The following RASA3 variants were observed in gnomAD, a reference collection of about 807,000 sequenced individuals.
RASA3 encodes the protein ras GTPase-activating protein 3.
Under a neutral mutation model 110.0 loss-of-function variants are expected in RASA3, and 73 were observed. That is an observed-to-expected ratio of 0.66 (90% confidence interval 0.55 to 0.81). The LOEUF (loss-of-function observed/expected upper bound fraction) is 0.81. RASA3 is among the 30% of genes least tolerant of loss of function. The pLI, the probability that RASA3 is intolerant of heterozygous loss-of-function variation, is 0.00. For missense variants in RASA3, 976 were observed against 1,113.2 expected (o/e 0.88, Z 1.75); for synonymous variants, 500 against 451.4 (o/e 1.11, Z -1.37).
chr13:114,007,768 T>TC (rs1339203949), intron 17 of RASA3, among the ~76,000 whole-genome samples, 162 bp from the exon 18 acceptor site: 5 of 152,114 alleles, frequency 3.3e-5, no homozygotes, highest in East Asian at 1.9e-4. Flanking sequence ...GGGCCTCTGC[T>TC]CCCCACTGTG....
rs7331571 is a variant in RASA3 at position 114,114,874 on chromosome 13, C to T, written c.55+17561G>A. Among the ~76,000 whole-genome samples the T allele has an allele frequency of 0.74, 111,831 of 152,114 alleles. 41,450 individuals are homozygous for T. The highest frequency in any genetic ancestry group is 0.8 in the Middle Eastern group (233 of 292). On this transcript the variant is annotated intron_variant, in intron 1 of 23. Coordinates refer to ENST00000334062, the MANE Select transcript of RASA3 (RefSeq NM_007368.4). The surrounding 1 kb of genome is among the most constrained non-coding windows in gnomAD (Gnocchi z 4.8). ...ATAGCTCCCAGCTCCAGGGACGACG[C>T]GGGGGTGCTAAGCTGGTAAGCTGGG...
At chr13:114,090,856 T>A (rs754887109) in intron 1 of RASA3, among the ~76,000 whole-genome samples, 1 of 152,114 alleles carries the variant, frequency 6.6e-6, no homozygotes, top group Non-Finnish European at 1.5e-5. Context: ...CAACTCCAGT[T>A]CAAAGTTTCA....
chr13:114,002,828 G>C (rs939599993), intron 18 of RASA3, among the ~76,000 whole-genome samples: 3 of 152,202 alleles, frequency 2.0e-5, no homozygotes, highest in African/African-American at 7.2e-5. Flanking sequence ...GGAGGCAGGA[G>C]CCACGGCTAA....
chr13:113,979,189 G>T lies in RASA3; in HGVS notation c.*158C>A. The T allele has an allele frequency of 1.5e-6, 1 of 679,178 alleles. No individual in the cohort carries two copies. Among genetic ancestry groups the T allele is most frequent in the Non-Finnish European group, 2.6e-6 (1 of 391,712 alleles). The allele number at this position is 679,178 out of a possible 1,614,324, so 42.1% of individuals were successfully genotyped here. On this transcript the variant is annotated 3_prime_UTR_variant, in exon 24 of 24. Transcript: ENST00000334062. Reference sequence around the variant, plus strand: ...CGGAGGGCGTGGCGGTGGTGGCAGCGGTTCTGGGAGAGGGAAACCCCAGCG... The same window carrying T: ...CGGAGGGCGTGGCGGTGGTGGCAGCTGTTCTGGGAGAGGGAAACCCCAGCG...
intron 22 of RASA3, 32 bp from the exon 23 acceptor site, chr13:113,981,890 G>A (rs756909972): frequency 1.3e-6 from 2 of 1,594,778 alleles, no homozygotes. Flanking sequence ...GCGCAGGGCA[G>A]GAGCCCAGGC....
At chr13:114,068,374 C>T (rs890353940) in intron 2 of RASA3, among the ~76,000 whole-genome samples, 2 of 152,214 alleles carry the variant, frequency 1.3e-5, no homozygotes, top group East Asian at 1.9e-4. Flanking sequence ...GCCACGTGGG[C>T]GCAGAGGAAG....
rs966348969 is a variant in RASA3, at chr13:114,048,808, G to A, written c.277+3244C>T. 6.6e-6 allele frequency among the ~76,000 whole-genome samples: 1 copy of A among 152,058 alleles called. No individual in the cohort carries two copies. Among genetic ancestry groups the A allele is most frequent in the Non-Finnish European group, 1.5e-5 (1 of 67,984 alleles). ...ACGGTCACGCCGCCCGGGACCCGCC[G>A]ACACTGGACACTTCTCCTGCTCCTG... On this transcript the variant is annotated intron_variant, in intron 3 of 23. Coordinates refer to ENST00000334062, the MANE Select transcript of RASA3 (RefSeq NM_007368.4). This position sits in a 1 kb window ranked among gnomAD's most constrained non-coding sequence, Gnocchi z 4.3.
chr13:114,045,797 G>A (rs1312322438), intron 3 of RASA3, among the ~76,000 whole-genome samples: 1 of 152,202 alleles, frequency 6.6e-6, no homozygotes, highest in East Asian at 1.9e-4. Flanking sequence ...TTAGGTTTGT[G>A]CTTTTGGTGG....
intron 2 of RASA3, among the ~76,000 whole-genome samples, chr13:114,059,672 T>C (rs4883647): frequency 0.47 from 71,371 of 152,154 alleles, 20,000 homozygotes; most frequent in African/African-American, 0.78. Flanking sequence ...CTGCCTGGCT[T>C]GGAGGTTTCT....
intron 2 of RASA3, among the ~76,000 whole-genome samples, chr13:114,071,867 T>C (rs909305725): frequency 2.6e-5 from 4 of 152,364 alleles, no homozygotes; most frequent in African/African-American, 9.6e-5. Context: ...CATGGGTTGT[T>C]CATTCCCACT....
At chr13:114,076,130 C>T (rs2079677928) in intron 1 of RASA3, among the ~76,000 whole-genome samples, 1 of 152,214 alleles carries the variant, frequency 6.6e-6, no homozygotes, top group African/African-American at 2.4e-5. Context: ...ACACAGTCTA[C>T]CTCTCTGGGC....
At chr13:114,041,961 G>A (rs1432761986) in intron 3 of RASA3, among the ~76,000 whole-genome samples, 1 of 152,214 alleles carries the variant, frequency 6.6e-6, no homozygotes, top group African/African-American at 2.4e-5. Context: ...GGGCCCCAAA[G>A]TCTGGGAACG....
intron 1 of RASA3, among the ~76,000 whole-genome samples, chr13:114,109,856 C>T (rs987192056): frequency 6.6e-6 from 1 of 152,284 alleles, no homozygotes; most frequent in Non-Finnish European, 1.5e-5. Flanking sequence ...CGCGGCGGCA[C>T]GAGACTCAGC....
intron 15 of RASA3, among the ~76,000 whole-genome samples, chr13:114,012,740 T>TCCACACACACTCCC: frequency 9.4e-6 from 1 of 106,008 alleles, no homozygotes; most frequent in African/African-American, 3.6e-5. Context: ...CACTCCCCAC[T>TCCACACACACTCCC]CACTCATTCC....
intron 1 of RASA3, among the ~76,000 whole-genome samples, chr13:114,106,444 C>G (rs2080136514): frequency 6.6e-6 from 1 of 152,176 alleles, no homozygotes; most frequent in Non-Finnish European, 1.5e-5. Context: ...TCTAATTTTT[C>G]TTTTGCCAAC....
chr13:114,118,709 C>T (rs1461710937), intron 1 of RASA3, among the ~76,000 whole-genome samples: 3 of 152,260 alleles, frequency 2.0e-5, no homozygotes, highest in Non-Finnish European at 4.4e-5. Context: ...TTGAGCTCCG[C>T]ACACTCCGTG....
chr13:114,127,166 C>T (rs548648016), intron 1 of RASA3, among the ~76,000 whole-genome samples: 13 of 152,372 alleles, frequency 8.5e-5, no homozygotes, highest in African/African-American at 1.4e-4. Context: ...TGCGCCTGCG[C>T]GGTTCACACG....
At chr13:114,046,757 G>C (rs2079059602) in intron 3 of RASA3, among the ~76,000 whole-genome samples, 1 of 152,098 alleles carries the variant, frequency 6.6e-6, no homozygotes, top group African/African-American at 2.4e-5. Context: ...AGATGGAAGA[G>C]AATACAGAGG....
chr13:114,009,357 C>G, intron 17 of RASA3, 30 bp downstream of exon 17: 1 of 1,554,220 alleles, frequency 6.4e-7, no homozygotes. Context: ...GCACGGCACA[C>G]GGGCGGTCGG....
Sources: gnomAD v4.1 joint callset for allele counts (sites outside exome capture counted in the v4.1 genomes callset) on GRCh38, gnomAD v4.1.1 for gene constraint, Gnocchi (gnomAD v3.1) non-coding constraint, MANE v1.5 for transcripts, NCBI Gene and HGNC (gene_info 2026-07-23, HGNC 2026-07-21) for gene names.